NRXN1: variants seen among roughly 807,000 people sequenced by gnomAD.
NRXN1 encodes the protein neurexin 1.
In NRXN1, 39 loss-of-function variants were observed where a neutral mutation model predicts 150.9. The observed-to-expected ratio is 0.26, with a 90% CI of 0.20 to 0.34. The LOEUF (loss-of-function observed/expected upper bound fraction) is 0.34. Ranked by LOEUF, NRXN1 falls within the 10% of genes least tolerant of loss-of-function variation. The pLI is 1.00. For missense variants in NRXN1, 1,815 were observed against 1,949.9 expected, an observed-to-expected ratio of 0.93 and a Z score of 1.30; for synonymous variants, 924 against 757.0, an observed-to-expected ratio of 1.22 and a Z score of -3.62.
intron 21 of NRXN1, among the ~76,000 whole-genome samples, chr2:50,033,756 A>G (rs1342223938): frequency 6.6e-6 from 1 of 151,996 alleles, no homozygotes; most frequent in African/African-American, 2.4e-5. Flanking sequence ...TCCACCATCT[A>G]TAAGGAATTT....
rs202034347 is a variant in NRXN1 at position 50,894,242 on chromosome 2, T to TAATAAATAAATA, written c.832+27615_832+27626dup. On this transcript the variant is annotated intron_variant, in intron 5 of 22. Transcript: ENST00000401669. ...TACCCTAAAACTTAAAGTATAATAA[T>TAATAAATAAATA]AATAAATAAATAAATAAATAAATAA... Among the ~76,000 whole-genome samples, 619 of 142,374 alleles carry TAATAAATAAATA rather than the reference T, an allele frequency of 4.3e-3. 7 individuals carry two copies. Among genetic ancestry groups the TAATAAATAAATA allele is most frequent in the African/African-American group, 0.014 (555 of 38,702 alleles). 93.4% of individuals were successfully genotyped at this position (142,374 alleles called of 152,430 possible).
chr2:50,956,624 T>C (rs1317810062), intron 2 of NRXN1, among the ~76,000 whole-genome samples: 1 of 151,990 alleles, frequency 6.6e-6, no homozygotes, highest in Non-Finnish European at 1.5e-5. Context: ...AGTGCATGCC[T>C]ATAGTGCCAG....
At chr2:50,418,380 C>G (rs75245569) in intron 17 of NRXN1, among the ~76,000 whole-genome samples, 2,089 of 152,132 alleles carry the variant, frequency 0.014, 39 homozygotes, top group African/African-American at 0.047. Flanking sequence ...CAGCCTCCCC[C>G]AACACACACA....
chr2:50,874,585 A>T (rs1188136286), intron 5 of NRXN1, among the ~76,000 whole-genome samples: 1 of 151,828 alleles, frequency 6.6e-6, no homozygotes, highest in Non-Finnish European at 1.5e-5. Context: ...GTGTATTTTC[A>T]TCTCCAAATG....
At chr2:50,465,823 T>A (rs1032629218) in intron 16 of NRXN1, among the ~76,000 whole-genome samples, 6 of 151,910 alleles carry the variant, frequency 3.9e-5, no homozygotes, top group Non-Finnish European at 7.4e-5. Context: ...GCTTCTAGTA[T>A]GATTATTGTA....
At chr2:50,996,875 T>C (rs910302626) in intron 2 of NRXN1, among the ~76,000 whole-genome samples, 1 of 152,028 alleles carries the variant, frequency 6.6e-6, no homozygotes, top group Non-Finnish European at 1.5e-5. Flanking sequence ...GTAGGTTTCA[T>C]CAAACTCGTG....
chr2:50,392,159 C>A (rs557240372), intron 17 of NRXN1, among the ~76,000 whole-genome samples: 3 of 152,118 alleles, frequency 2.0e-5, no homozygotes, highest in African/African-American at 7.2e-5. Flanking sequence ...TGATAACTAG[C>A]GATGAATTCA....
chr2:50,075,573 A>T (rs1696957621), intron 19 of NRXN1, among the ~76,000 whole-genome samples: 1 of 152,168 alleles, frequency 6.6e-6, no homozygotes. Context: ...ACAGGAGGTG[A>T]CAAATGTTCC....
At chr2:50,395,160 T>G (rs999927353) in intron 17 of NRXN1, among the ~76,000 whole-genome samples, 1 of 151,928 alleles carries the variant, frequency 6.6e-6, no homozygotes, top group South Asian at 2.1e-4. Context: ...AATTATGTTC[T>G]AGGAGGATAA....
chr2:50,744,761 G>A (rs971816984), intron 5 of NRXN1, among the ~76,000 whole-genome samples: 1 of 152,050 alleles, frequency 6.6e-6, no homozygotes, highest in Admixed American at 6.6e-5. Context: ...TAAGATTATG[G>A]TTACATGAAA....
At chr2:50,456,965 T>C (rs1046079168) in intron 17 of NRXN1, among the ~76,000 whole-genome samples, 2 of 152,176 alleles carry the variant, frequency 1.3e-5, no homozygotes, top group African/African-American at 4.8e-5. Context: ...AACAGTTAAT[T>C]TCCCACTATA....
chr2:50,279,433 A>G (rs1335334869), intron 17 of NRXN1, among the ~76,000 whole-genome samples: 1 of 152,208 alleles, frequency 6.6e-6, no homozygotes, highest in African/African-American at 2.4e-5. Flanking sequence ...TTAAAACTGA[A>G]TAAGAATGTC....
At chr2:49,960,592 A>G (rs953813449) in intron 21 of NRXN1, among the ~76,000 whole-genome samples, 15 of 152,160 alleles carry the variant, frequency 9.9e-5, no homozygotes, top group African/African-American at 3.6e-4. Context: ...TTAAAGCAAA[A>G]TTTCAGTCTA....
intron 5 of NRXN1, among the ~76,000 whole-genome samples, chr2:50,787,978 T>C (rs1705373782): frequency 6.6e-6 from 1 of 152,120 alleles, no homozygotes; most frequent in Non-Finnish European, 1.5e-5. Context: ...ATTGACCTAT[T>C]GTGAGTCTGC....
intron 18 of NRXN1, among the ~76,000 whole-genome samples, chr2:50,224,581 A>T (rs1203045318): frequency 6.6e-6 from 1 of 151,762 alleles, no homozygotes; most frequent in Non-Finnish European, 1.5e-5. Context: ...ATATATATTA[A>T]TTAAAATAAT....
intron 2 of NRXN1, among the ~76,000 whole-genome samples, chr2:50,928,225 AT>A (rs1687212010): frequency 6.6e-6 from 1 of 152,010 alleles, no homozygotes; most frequent in South Asian, 2.1e-4. Flanking sequence ...GAAAAAAAAA[AT>A]CAAAGTACTA....
chr2:49,964,309 G>A (rs552211339), intron 21 of NRXN1, among the ~76,000 whole-genome samples: 2 of 152,048 alleles, frequency 1.3e-5, no homozygotes, highest in Admixed American at 6.6e-5. Flanking sequence ...AGAAGTCTTC[G>A]GTGGCTCATG....
chr2:50,797,199 G>C (rs1335804883), intron 5 of NRXN1, among the ~76,000 whole-genome samples: 1 of 151,978 alleles, frequency 6.6e-6, no homozygotes, highest in Non-Finnish European at 1.5e-5. Context: ...TTTCCTGATT[G>C]GTTCATAATT....
chr2:50,142,751 T>C (rs1486858178), intron 18 of NRXN1, among the ~76,000 whole-genome samples: 1 of 151,900 alleles, frequency 6.6e-6, no homozygotes, highest in African/African-American at 2.4e-5. Flanking sequence ...TTTAAAAATT[T>C]AGAAATATTA....
Sources: allele counts gnomAD v4.1 joint callset (sites outside exome capture counted in the v4.1 genomes callset), GRCh38; gene constraint gnomAD v4.1.1; transcripts MANE v1.5; gene names NCBI Gene and HGNC (gene_info 2026-07-23, HGNC 2026-07-21).